The following DNAJC1 variants were observed in gnomAD, a reference collection of about 807,000 sequenced individuals.
DNAJC1 encodes dnaJ homolog subfamily C member 1.
A neutral mutation model predicts 76.6 loss-of-function variants in DNAJC1; 58 were observed. The observed-to-expected ratio is 0.76, with a 90% CI of 0.61 to 0.94. DNAJC1 has a LOEUF of 0.94. DNAJC1 is among the 40% of genes least tolerant of loss of function. DNAJC1 has a pLI of 0.00. For synonymous variants in DNAJC1, 258 were observed against 267.9 expected, an observed-to-expected ratio of 0.96 and a Z score of 0.36; for missense variants, 689 against 677.3, an observed-to-expected ratio of 1.02 and a Z score of -0.19.
At chr10:21,818,093 C>T (rs191609574) in intron 8 of DNAJC1, among the ~76,000 whole-genome samples, 5 of 152,248 alleles carry the variant, frequency 3.3e-5, no homozygotes, top group African/African-American at 9.6e-5. Context: ...GTGAGCCGGG[C>T]GGAACAGAGC....
At chr10:21,959,294 T>G (rs1837746822) in intron 1 of DNAJC1, among the ~76,000 whole-genome samples, 1 of 151,612 alleles carries the variant, frequency 6.6e-6, no homozygotes, top group African/African-American at 2.4e-5. Flanking sequence ...CCGGCTAATT[T>G]TTTTTGTATT....
intron 8 of DNAJC1, among the ~76,000 whole-genome samples, chr10:21,856,376 T>C (rs184046779): frequency 4.3e-4 from 65 of 152,300 alleles, no homozygotes; most frequent in Admixed American, 9.8e-4. Flanking sequence ...GTGTATGTCT[T>C]TGAGGATATT....
chr10:21,983,893 G>C (rs1192426498), intron 1 of DNAJC1, among the ~76,000 whole-genome samples: 1 of 151,988 alleles, frequency 6.6e-6, no homozygotes, highest in African/African-American at 2.4e-5. Flanking sequence ...AGTGTCACTG[G>C]TTTTTATACT....
chr10:21,999,496 C>CCCAGGCTG (rs1372170299), intron 1 of DNAJC1, among the ~76,000 whole-genome samples: 1 of 140,124 alleles, frequency 7.1e-6, no homozygotes, highest in Non-Finnish European at 1.5e-5. Context: ...CGCTCTGTCG[C>CCCAGGCTG]CCAGGCTGGA....
rs750820454 is a variant in DNAJC1, at chr10:21,759,615, A to C, written c.1151T>G (p.Met384Arg). ...LKDSVTCSPG[M>R]VRLSELKSTV... ...CGATTTGAGTTCGGAGAGTCTAACC[A>C]TTCCTAGGAAAGAGGGTGTGCCACA... Residue 384 changes from methionine to arginine, a missense_variant, in exon 11 of 12, where the codon ATG becomes AGG. Coordinates refer to ENST00000376980, the MANE Select transcript of DNAJC1 (RefSeq NM_022365.4). 6 of 1,612,094 alleles carry C rather than the reference A, an allele frequency of 3.7e-6. No homozygotes were observed. The highest frequency in any genetic ancestry group is 1.3e-5 in the African/African-American group (1 of 75,026).
At chr10:21,857,969 C>T (rs1364829106) in intron 8 of DNAJC1, among the ~76,000 whole-genome samples, 1 of 151,912 alleles carries the variant, frequency 6.6e-6, no homozygotes, top group African/African-American at 2.4e-5. Flanking sequence ...TGTCAACAAA[C>T]ATTAGTGCAA....
chr10:21,896,922 C>T (rs1437892170), intron 7 of DNAJC1, among the ~76,000 whole-genome samples: 1 of 152,126 alleles, frequency 6.6e-6, no homozygotes, highest in Non-Finnish European at 1.5e-5. Context: ...AGCATTCAAC[C>T]CCTTTTCCCC....
chr10:21,765,922 CA>C (rs796109358), intron 10 of DNAJC1, among the ~76,000 whole-genome samples: 13 of 152,216 alleles, frequency 8.5e-5, no homozygotes, highest in African/African-American at 3.1e-4. Flanking sequence ...GCGGCAGTGA[CA>C]GGGGTGGACA....
chr10:21,893,021 G>A (rs61851897), intron 7 of DNAJC1, among the ~76,000 whole-genome samples: 1,825 of 152,114 alleles, frequency 0.012, 15 homozygotes, highest in Non-Finnish European at 0.019. Context: ...TCAGCCAACC[G>A]GATGTAACTG....
At chr10:21,839,655 C>A (rs1481166837) in intron 8 of DNAJC1, among the ~76,000 whole-genome samples, 1 of 152,116 alleles carries the variant, frequency 6.6e-6, no homozygotes, top group Non-Finnish European at 1.5e-5. Flanking sequence ...GATTCACAGC[C>A]GAATTCTACC....
At position 22,003,400 on chromosome 10, in the gene DNAJC1, G is replaced by T. The variant is rs955837635; in HGVS notation, c.35C>A (p.Pro12His). 3.0e-5 allele frequency: 41 copies of T among 1,376,266 alleles called. No homozygotes were observed. Among genetic ancestry groups the T allele is most frequent in the Non-Finnish European group, 3.8e-5 (41 of 1,067,040 alleles). 85.3% of individuals were successfully genotyped at this position (1,376,266 alleles called of 1,614,324 possible). Residue 12 changes from proline to histidine, a missense_variant, in exon 1 of 12, where the codon CCT becomes CAT. Physicochemically the swap from Pro to His is moderately conservative, Grantham distance 77. Coordinates refer to ENST00000376980, the MANE Select transcript of DNAJC1 (RefSeq NM_022365.4). Reference sequence around the variant, plus strand: ...CACCAGCCCGAGCTGGCGGCGTCCAGGAAGCTGCGCCGGCTGGGAGCAAGG... The same window carrying T: ...CACCAGCCCGAGCTGGCGGCGTCCATGAAGCTGCGCCGGCTGGGAGCAAGG... ...TAPCSQPAQL[P>H]GRRQLGLVPF...
intron 8 of DNAJC1, among the ~76,000 whole-genome samples, chr10:21,810,384 C>G (rs1381219075): frequency 6.6e-6 from 1 of 152,084 alleles, no homozygotes; most frequent in Non-Finnish European, 1.5e-5. Context: ...AACAAGGGTC[C>G]CCCTATAATC....
intron 8 of DNAJC1, among the ~76,000 whole-genome samples, chr10:21,830,889 A>G (rs573128528): frequency 2.0e-5 from 3 of 152,162 alleles, no homozygotes; most frequent in Non-Finnish European, 4.4e-5. Flanking sequence ...TTTCATTTCT[A>G]AAAGTTCTTT....
intron 8 of DNAJC1, among the ~76,000 whole-genome samples, chr10:21,841,589 A>C (rs1291408879): frequency 6.6e-6 from 1 of 152,206 alleles, no homozygotes; most frequent in Non-Finnish European, 1.5e-5. Flanking sequence ...CGATCATTAA[A>C]AAGTCAGGAA....
intron 9 of DNAJC1, chr10:21,804,019 T>C (rs951631792): frequency 1.0e-6 from 1 of 963,962 alleles, no homozygotes; most frequent in African/African-American, 1.8e-5. Flanking sequence ...ATGGGATGAA[T>C]TTGCAAAAGT....
At chr10:21,773,912 C>T (rs113446257) in intron 9 of DNAJC1, among the ~76,000 whole-genome samples, 4,959 of 150,834 alleles carry the variant, frequency 0.033, 132 homozygotes, top group African/African-American at 0.07. Flanking sequence ...GAGGCCGAGG[C>T]GGGCGGATCA....
intron 9 of DNAJC1, 123 bp downstream of exon 9, chr10:21,805,857 G>T: frequency 9.5e-6 from 12 of 1,258,392 alleles, no homozygotes; most frequent in Non-Finnish European, 1.3e-5. Flanking sequence ...TCACTTTCAG[G>T]TCCTAAAAGG....
chr10:21,756,581 A>G lies in DNAJC1; in HGVS notation c.*106T>C, dbSNP rs1427480224. 4.1e-6 allele frequency: 3 copies of G among 738,618 alleles called. No homozygotes were observed. Among genetic ancestry groups the G allele is most frequent in the Non-Finnish European group, 7.0e-6 (3 of 427,452 alleles). 45.8% of individuals were successfully genotyped at this position (738,618 alleles called of 1,614,324 possible). A position where few individuals can be genotyped will look rare whatever the true frequency, so the allele number is the denominator to read the frequency against. ...TATTTATTTATTATTTTTTTTTACT[A>G]AGGCACATGACGTAGAAATATTGAG... is the stretch of plus-strand genomic sequence containing the variant. On this transcript the variant is annotated 3_prime_UTR_variant, in exon 12 of 12. Coordinates refer to ENST00000376980, the MANE Select transcript of DNAJC1 (RefSeq NM_022365.4).
At chr10:21,835,848 G>C (rs138279971) in intron 8 of DNAJC1, among the ~76,000 whole-genome samples, 5,058 of 152,306 alleles carry the variant, frequency 0.033, 139 homozygotes, top group Middle Eastern at 0.065. Context: ...GTCTACGTCT[G>C]ATTGGCGTAC....
Sources: gnomAD v4.1 joint callset for allele counts (sites outside exome capture counted in the v4.1 genomes callset) on GRCh38, gnomAD v4.1.1 for gene constraint, MANE v1.5 for transcripts, NCBI Gene and HGNC (gene_info 2026-07-23, HGNC 2026-07-21) for gene names.